BCAS3: variants seen among roughly 807,000 people sequenced by gnomAD.
The protein encoded by BCAS3 is BCAS4/BCAS3 fusion.
In BCAS3, 53 loss-of-function variants were observed where a neutral mutation model predicts 116.1. That is an observed-to-expected ratio of 0.46 (90% CI 0.37 to 0.57). The LOEUF (loss-of-function observed/expected upper bound fraction) is 0.57. BCAS3 is among the 20% of genes least tolerant of loss of function. The pLI is 0.00. For missense variants in BCAS3, 917 were observed against 1,165.4 expected, an observed-to-expected ratio of 0.79 and a Z score of 3.10; for synonymous variants, 391 against 408.2, an observed-to-expected ratio of 0.96 and a Z score of 0.51.
At position 61,115,012 on chromosome 17, in the gene BCAS3, G is replaced by T. The variant is rs1339078663; in HGVS notation, c.2425+30448G>T. Among the ~76,000 whole-genome samples, 7 of 151,284 alleles carry T rather than the reference G, an allele frequency of 4.6e-5. No homozygotes were observed. The East Asian group carries it at 9.7e-4, about 21-fold the overall frequency. On this transcript the variant is annotated intron_variant, in intron 22 of 23. Coordinates refer to ENST00000407086, the MANE Select transcript of BCAS3 (RefSeq NM_017679.5). ...GGAAAGGATTCCCTATTTAATAAATGGTGCTGGGAAAACTGGCTAGCCATA... is the reference window on the plus strand; with the variant it reads ...GGAAAGGATTCCCTATTTAATAAATTGTGCTGGGAAAACTGGCTAGCCATA...
At chr17:60,812,391 A>G (rs1568304939) in intron 7 of BCAS3, among the ~76,000 whole-genome samples, 2 of 152,198 alleles carry the variant, frequency 1.3e-5, no homozygotes, top group African/African-American at 4.8e-5. Context: ...GGAGAGGGAC[A>G]CAATTTGTAG....
intron 8 of BCAS3, among the ~76,000 whole-genome samples, chr17:60,872,634 A>G (rs1186260661): frequency 6.6e-6 from 1 of 151,462 alleles, no homozygotes; most frequent in Non-Finnish European, 1.5e-5. Flanking sequence ...ATACACACAT[A>G]CACACACACC....
intron 22 of BCAS3, among the ~76,000 whole-genome samples, chr17:61,321,523 A>T (rs968424912): frequency 1.3e-5 from 2 of 152,220 alleles, no homozygotes; most frequent in Non-Finnish European, 2.9e-5. Context: ...GTCGGGCGGT[A>T]AGAGGCTGTG....
Position 61,248,485 on chromosome 17 carries a change from C to G in BCAS3, c.2426-119842C>G, listed in dbSNP as rs1392994267. On this transcript the variant is annotated intron_variant, in intron 22 of 23. Coordinates refer to ENST00000407086, the MANE Select transcript of BCAS3 (RefSeq NM_017679.5). This position sits in a 1 kb window ranked among gnomAD's most constrained non-coding sequence, Gnocchi z 4.3. ...GGCAGTTGAAGGTCTAAGTCCCAGC[C>G]TGGCATGAATTCCCAGAGAGCCTTG... 6.6e-6 allele frequency among the ~76,000 whole-genome samples: 1 copy of G among 152,208 alleles called. No individual in the cohort carries two copies. The highest frequency in any genetic ancestry group is 6.5e-5 in the Admixed American group (1 of 15,288).
intron 16 of BCAS3, among the ~76,000 whole-genome samples, chr17:61,031,058 A>C (rs2066601251): frequency 6.6e-6 from 1 of 152,088 alleles, no homozygotes; most frequent in South Asian, 2.1e-4. Context: ...TTAATAAATG[A>C]TTAAATAAAT....
At chr17:60,728,319 T>TGGTA (rs2040120615) in intron 5 of BCAS3, among the ~76,000 whole-genome samples, 1 of 152,150 alleles carries the variant, frequency 6.6e-6, no homozygotes, top group African/African-American at 2.4e-5. Context: ...AATCACTACA[T>TGGTA]GGTAGGTAGC....
rs112755412 is a variant in BCAS3, at chr17:61,382,563, G to A, written c.2594-9414G>A. ...AGGCGTGAGCCACCGCGCCTGGCCA[G>A]GAGAATTGTTTGAACCCAGAAGGCG... On this transcript the variant is annotated intron_variant, in intron 23 of 23. Coordinates refer to ENST00000407086, the MANE Select transcript of BCAS3 (RefSeq NM_017679.5). 2.7e-3 allele frequency among the ~76,000 whole-genome samples: 407 copies of A among 151,916 alleles called. 4 individuals are homozygous for A. Among genetic ancestry groups the A allele is most frequent in the African/African-American group, 9.5e-3 (392 of 41,438 alleles).
In BCAS3 at chr17:61,189,541, G is replaced by T. The variant is rs1661840128; in HGVS notation, c.2425+104977G>T. On this transcript the variant is annotated intron_variant, in intron 22 of 23. Transcript: ENST00000407086. The surrounding 1 kb of genome is among the most constrained non-coding windows in gnomAD (Gnocchi z 4.5). ...TGTAGAGAGAGCAGATTTGAAGAAA[G>T]ATTTAAAATGAAGTCAGGGAGACCA... Among the ~76,000 whole-genome samples the T allele has an allele frequency of 6.6e-6, 1 of 152,168 alleles. No homozygotes were observed.
chr17:60,698,202 A>G (rs1312856586), intron 4 of BCAS3, among the ~76,000 whole-genome samples: 1 of 151,732 alleles, frequency 6.6e-6, no homozygotes, highest in Non-Finnish European at 1.5e-5. Context: ...AAAAAAAAAA[A>G]AAAGAGCAGC....
intron 22 of BCAS3, among the ~76,000 whole-genome samples, chr17:61,283,281 TTCATCCACCAGACA>T (rs1184185845): frequency 7.2e-5 from 11 of 152,204 alleles, no homozygotes; most frequent in Admixed American, 7.2e-4. Flanking sequence ...ACTAGTTAGC[TTCATCCACCAGACA>T]TTAAGCACCC....
chr17:61,236,230 G>A (rs752247969), intron 22 of BCAS3, among the ~76,000 whole-genome samples: 1 of 152,188 alleles, frequency 6.6e-6, no homozygotes, highest in Non-Finnish European at 1.5e-5. Flanking sequence ...TTTTCGTGGT[G>A]TTCTGTAGGA....
chr17:60,960,403 C>G lies in BCAS3; in HGVS notation c.1221+13051C>G, dbSNP rs1344887272. Among the ~76,000 whole-genome samples the G allele has an allele frequency of 1.3e-5, 2 of 152,144 alleles. No homozygotes were observed. The highest frequency in any genetic ancestry group is 2.9e-5 in the Non-Finnish European group (2 of 68,020). On this transcript the variant is annotated intron_variant, in intron 14 of 23. Coordinates refer to ENST00000407086, the MANE Select transcript of BCAS3 (RefSeq NM_017679.5). This position sits in a 1 kb window ranked among gnomAD's most constrained non-coding sequence, Gnocchi z 4.1. ...CCTGTGAAACTACAATAAAAGTTAC[C>G]TCCTGCCAAAATACAGTAGTAGGAT... is the stretch of plus-strand genomic sequence containing the variant.
At chr17:60,969,747 G>C (rs1371223120) in intron 14 of BCAS3, among the ~76,000 whole-genome samples, 3 of 152,162 alleles carry the variant, frequency 2.0e-5, no homozygotes, top group Non-Finnish European at 4.4e-5. Flanking sequence ...TCATTTTTCT[G>C]AAAACCAAAG....
intron 6 of BCAS3, among the ~76,000 whole-genome samples, chr17:60,789,690 T>C (rs2046589024): frequency 6.6e-6 from 1 of 152,114 alleles, no homozygotes; most frequent in Non-Finnish European, 1.5e-5. Context: ...TACATGCAAA[T>C]AAACACACAA....
chr17:61,046,512 C>A (rs2068367768), intron 19 of BCAS3, among the ~76,000 whole-genome samples: 1 of 151,822 alleles, frequency 6.6e-6, no homozygotes, highest in Non-Finnish European at 1.5e-5. Flanking sequence ...GCACATCCCC[C>A]TGTATGCTTC....
chr17:61,079,163 G>A (rs1483939570), intron 21 of BCAS3, among the ~76,000 whole-genome samples: 1 of 151,594 alleles, frequency 6.6e-6, no homozygotes, highest in Non-Finnish European at 1.5e-5. Context: ...TGACACATTA[G>A]GGTGCAACAG....
intron 8 of BCAS3, among the ~76,000 whole-genome samples, chr17:60,873,334 T>G (rs1407072232): frequency 6.6e-6 from 1 of 152,180 alleles, no homozygotes; most frequent in African/African-American, 2.4e-5. Flanking sequence ...AATTGTTGTT[T>G]TTAAAGATGA....
chr17:61,114,011 A>G (rs1398495051), intron 22 of BCAS3, among the ~76,000 whole-genome samples: 1 of 151,480 alleles, frequency 6.6e-6, no homozygotes, highest in Non-Finnish European at 1.5e-5. Context: ...CAATAGATGC[A>G]GAAAAGGCCT....
chr17:61,311,826 G>A (rs148189999), intron 22 of BCAS3, among the ~76,000 whole-genome samples: 2,091 of 152,206 alleles, frequency 0.014, 48 homozygotes, highest in African/African-American at 0.047. Flanking sequence ...CCTGGGAGGC[G>A]GAGGTTGCAG....
Sources: allele counts gnomAD v4.1 joint callset (sites outside exome capture counted in the v4.1 genomes callset), GRCh38; gene constraint gnomAD v4.1.1; non-coding constraint Gnocchi (gnomAD v3.1); transcripts MANE v1.5; gene names NCBI Gene and HGNC (gene_info 2026-07-23, HGNC 2026-07-21).